The following TRPC4 variants were observed in gnomAD, a reference collection of about 807,000 sequenced individuals.
The protein encoded by TRPC4 is short transient receptor potential channel 4.
In TRPC4, 49 loss-of-function variants were observed where a neutral mutation model predicts 99.4. The ratio of observed to expected loss-of-function variants is 0.49; its 90% CI spans 0.39 to 0.63. TRPC4 has a LOEUF of 0.63. Among genes scored for constraint, TRPC4 ranks in the 20% least tolerant of loss-of-function variants. TRPC4 has a pLI of 0.00. For synonymous variants in TRPC4, 454 were observed against 425.9 expected (o/e 1.07, Z -0.81); for missense variants, 898 against 1,152.9 (o/e 0.78, Z 3.20).
Position 37,636,753 on chromosome 13 carries a change from T to C in TRPC4, c.*150A>G. 9.8e-7 allele frequency: 1 copy of C among 1,025,344 alleles called. No individual in the cohort carries two copies. The highest frequency in any genetic ancestry group is 1.3e-6 in the Non-Finnish European group (1 of 758,154). The allele number at this position is 1,025,344 out of a possible 1,614,324, so 63.5% of individuals were successfully genotyped here. On this transcript the variant is annotated 3_prime_UTR_variant, in exon 11 of 11. Coordinates refer to ENST00000379705, the MANE Select transcript of TRPC4 (RefSeq NM_016179.4). Reference sequence around the variant, plus strand: ...AAAAAGGTTTTTGATTGCCTTTGCCTTATTTAAACATGTTACAGGTAATAT... The same window carrying C: ...AAAAAGGTTTTTGATTGCCTTTGCCCTATTTAAACATGTTACAGGTAATAT...
At position 37,836,303 on chromosome 13, in the gene TRPC4, G is replaced by A. The variant is rs377008558; in HGVS notation, c.-28+33292C>T. Among the ~76,000 whole-genome samples, 10 of 152,248 alleles carry A rather than the reference G, an allele frequency of 6.6e-5. No individual in the cohort carries two copies. The East Asian group carries it at 9.7e-4, about 15-fold the overall frequency. ...CCAAGAATGAGACACTGCTGAAAAC[G>A]TACTTGAAAATGTGGAAGCAACTTT... On this transcript the variant is annotated intron_variant, in intron 1 of 10. Transcript: ENST00000379705.
At chr13:37,769,649 G>C (rs17056604) in intron 2 of TRPC4, among the ~76,000 whole-genome samples, 2 of 151,174 alleles carry the variant, frequency 1.3e-5, no homozygotes, top group African/African-American at 4.9e-5. Flanking sequence ...TGGCTCCAGG[G>C]AATCATTCAC....
At chr13:37,703,952 C>A (rs1954185979) in intron 3 of TRPC4, among the ~76,000 whole-genome samples, 1 of 152,048 alleles carries the variant, frequency 6.6e-6, no homozygotes, top group Non-Finnish European at 1.5e-5. Context: ...CAAACTGGAA[C>A]AAGCCAAATG....
At chr13:37,672,035 G>A (rs764986845) in intron 5 of TRPC4, among the ~76,000 whole-genome samples, 7 of 152,114 alleles carry the variant, frequency 4.6e-5, no homozygotes, top group Non-Finnish European at 1.0e-4. Context: ...ACTGGGGTGA[G>A]TGAGTTTAAT....
intron 3 of TRPC4, among the ~76,000 whole-genome samples, chr13:37,722,611 T>C (rs1954911155): frequency 6.6e-6 from 1 of 152,208 alleles, no homozygotes; most frequent in Non-Finnish European, 1.5e-5. Context: ...AATGTTTTCA[T>C]ACACAAGATG....
In TRPC4 at chr13:37,633,175, T is replaced by A. The variant is rs1009327511; in HGVS notation, c.*3728A>T. Among the ~76,000 whole-genome samples the A allele has an allele frequency of 6.6e-6, 1 of 152,136 alleles. No individual in the cohort carries two copies. Among genetic ancestry groups the A allele is most frequent in the Non-Finnish European group, 1.5e-5 (1 of 68,018 alleles). ...AAATGTCTTTTCAGACATTGTAAAA[T>A]CAGAATAATGGTTTTGAAGTTAAGA... On this transcript the variant is annotated 3_prime_UTR_variant, in exon 11 of 11. Transcript: ENST00000379705.
At chr13:37,655,679 A>G (rs1726834167) in intron 6 of TRPC4, among the ~76,000 whole-genome samples, 2 of 152,140 alleles carry the variant, frequency 1.3e-5, no homozygotes, top group Non-Finnish European at 2.9e-5. Flanking sequence ...ATATCCATAA[A>G]TAAAATTTTA....
chr13:37,703,663 A>T (rs984009073), intron 3 of TRPC4, among the ~76,000 whole-genome samples: 66 of 150,318 alleles, frequency 4.4e-4, no homozygotes, highest in African/African-American at 1.4e-3. Context: ...GACTAAAATT[A>T]AAAAAAATAT....
intron 1 of TRPC4, among the ~76,000 whole-genome samples, chr13:37,868,856 C>T (rs1451346783): frequency 2.0e-5 from 3 of 152,068 alleles, no homozygotes; most frequent in Non-Finnish European, 2.9e-5. Flanking sequence ...TCTCCTAAAC[C>T]CTCGATGCCT....
chr13:37,665,534 G>T (rs1000446351), intron 5 of TRPC4, among the ~76,000 whole-genome samples: 2 of 152,008 alleles, frequency 1.3e-5, no homozygotes, highest in African/African-American at 4.8e-5. Flanking sequence ...TTCATAGCCC[G>T]GTGAGGCAGA....
At position 37,658,419 on chromosome 13, in the gene TRPC4, TA is replaced by T. The variant is rs552189597; in HGVS notation, c.1689-3137del. Among the ~76,000 whole-genome samples the T allele has an allele frequency of 3.2e-3, 483 of 152,274 alleles. 4 individuals are homozygous for T. Among genetic ancestry groups the T allele is most frequent in the African/African-American group, 0.011 (471 of 41,570 alleles). ...TTTACAGCCAGAAGAATTGAACGTG[TA>T]AAAAAGTAATGTATTCCATTGTTGA... On this transcript the variant is annotated intron_variant, in intron 6 of 10. Coordinates refer to ENST00000379705, the MANE Select transcript of TRPC4 (RefSeq NM_016179.4).
intron 8 of TRPC4, among the ~76,000 whole-genome samples, chr13:37,646,123 C>T (rs909839106): frequency 3.3e-5 from 5 of 152,168 alleles, no homozygotes; most frequent in Non-Finnish European, 1.5e-5. Context: ...TGTTGCTAAT[C>T]TATTCACAGT....
chr13:37,710,432 T>C (rs537371101), intron 3 of TRPC4, among the ~76,000 whole-genome samples: 182 of 152,062 alleles, frequency 1.2e-3, no homozygotes, highest in South Asian at 0.012. Context: ...GAGTTGTTTA[T>C]TTAAATTTTT....
intron 1 of TRPC4, among the ~76,000 whole-genome samples, chr13:37,864,609 T>C (rs1272490198): frequency 6.6e-6 from 1 of 151,688 alleles, no homozygotes; most frequent in Non-Finnish European, 1.5e-5. Flanking sequence ...CTAATTCAGT[T>C]ACAAACTCAC....
chr13:37,773,055 G>A (rs1348190684), intron 2 of TRPC4, among the ~76,000 whole-genome samples: 1 of 151,690 alleles, frequency 6.6e-6, no homozygotes, highest in Admixed American at 6.6e-5. Flanking sequence ...GTAACTTAAT[G>A]CACTCAAGCT....
chr13:37,716,774 G>A (rs1159485357), intron 3 of TRPC4, among the ~76,000 whole-genome samples: 3 of 152,112 alleles, frequency 2.0e-5, no homozygotes, highest in Non-Finnish European at 1.5e-5. Context: ...AAGTCTCAAC[G>A]AGCATGGTAT....
intron 1 of TRPC4, among the ~76,000 whole-genome samples, chr13:37,791,382 C>T (rs1033723860): frequency 5.3e-5 from 7 of 131,570 alleles, no homozygotes; most frequent in Non-Finnish European, 1.1e-4. Context: ...GGCAACACAG[C>T]AAGACTCTGT....
chr13:37,739,504 A>ATTTTTT (rs34228089), intron 3 of TRPC4, among the ~76,000 whole-genome samples: 1 of 133,792 alleles, frequency 7.5e-6, no homozygotes, highest in African/African-American at 2.9e-5. Context: ...AAAGCATGAG[A>ATTTTTT]TTTTTTTTTT....
intron 1 of TRPC4, among the ~76,000 whole-genome samples, chr13:37,785,816 C>CA (rs1273494767): frequency 1.3e-5 from 2 of 151,868 alleles, no homozygotes; most frequent in Non-Finnish European, 2.9e-5. Flanking sequence ...GATTAGTGGA[C>CA]AAAACAGAAG....
Sources: allele counts gnomAD v4.1 joint callset (sites outside exome capture counted in the v4.1 genomes callset), GRCh38; gene constraint gnomAD v4.1.1; transcripts MANE v1.5; gene names NCBI Gene and HGNC (gene_info 2026-07-23, HGNC 2026-07-21).